RAB33A: variants seen among roughly 807,000 people sequenced by gnomAD.
RAB33A encodes the protein RAB33A, member RAS oncogene family.
A neutral mutation model predicts 12.0 loss-of-function variants in RAB33A; 6 were observed. That is an observed-to-expected ratio of 0.50 (90% confidence interval 0.27 to 0.99). The LOEUF (loss-of-function observed/expected upper bound fraction) is 0.99, where lower values mean the gene tolerates loss of function less well. Among genes scored for constraint, RAB33A ranks in the 50% least tolerant of loss-of-function variants. The pLI, the probability that RAB33A is intolerant of heterozygous loss-of-function variation, is 0.11. For synonymous variants in RAB33A, 70 were observed against 82.4 expected (o/e 0.85, Z 0.81); for missense variants, 109 against 192.0 (o/e 0.57, Z 2.55).
the RAB33A span, among the ~76,000 whole-genome samples, chrX:130,166,734 C>T: frequency 8.9e-6 from 1 of 111,777 alleles, no homozygotes; most frequent in Admixed American, 9.5e-5. Flanking sequence ...GGATGGTCCC[C>T]GACTTACCCC....
the RAB33A span, among the ~76,000 whole-genome samples, chrX:130,140,350 T>C: frequency 8.9e-6 from 1 of 112,233 alleles, no homozygotes; most frequent in East Asian, 2.8e-4. Context: ...GCAAGGATCA[T>C]CCAGAAGGGC....
At chrX:130,162,175 A>G in the RAB33A span, among the ~76,000 whole-genome samples, 1 of 112,153 alleles carries the variant, frequency 8.9e-6, no homozygotes, top group Non-Finnish European at 1.9e-5. Context: ...GTCCTCAGGT[A>G]GTGTTTAATT....
chrX:130,167,081 G>A (rs2031545313), upstream of RAB33A, among the ~76,000 whole-genome samples: 1 of 112,362 alleles, frequency 8.9e-6, no homozygotes, highest in South Asian at 3.6e-4. Context: ...CGTGTAAGAA[G>A]TTATTTGAGT....
At chrX:130,183,720 C>G (rs1308371618) in intron 1 of RAB33A, among the ~76,000 whole-genome samples, 1 of 111,312 alleles carries the variant, frequency 9.0e-6, no homozygotes, top group Non-Finnish European at 1.9e-5. Context: ...GAAAAGTTGA[C>G]CAATTTACAT....
At chrX:130,133,351 A>C in the RAB33A span, 1 of 1,211,592 alleles carries the variant, frequency 8.3e-7, no homozygotes, top group Non-Finnish European at 1.1e-6. Flanking sequence ...TAGCAGCTCC[A>C]GTCATATTTT....
At chrX:130,167,762 A>G (rs772198648), upstream of RAB33A, among the ~76,000 whole-genome samples, 4 of 111,265 alleles carry the variant, frequency 3.6e-5, no homozygotes, top group Non-Finnish European at 5.7e-5. Flanking sequence ...AAAAATAAAG[A>G]AGTAGTGATA....
At chrX:130,164,473 T>C in the RAB33A span, among the ~76,000 whole-genome samples, 1 of 112,754 alleles carries the variant, frequency 8.9e-6, no homozygotes, top group Admixed American at 9.4e-5. Context: ...CAGGTGTTTC[T>C]GTATTGTAAA....
At chrX:130,182,626 T>C (rs371247363) in intron 1 of RAB33A, among the ~76,000 whole-genome samples, 163 of 110,071 alleles carry the variant, frequency 1.5e-3, no homozygotes, top group African/African-American at 5.3e-3. Context: ...TGGTGGCACA[T>C]GCCTGTAATG....
At chrX:130,173,247 A>G (rs773896449) in intron 1 of RAB33A, among the ~76,000 whole-genome samples, 7 of 111,836 alleles carry the variant, frequency 6.3e-5, no homozygotes, top group Non-Finnish European at 1.1e-4. Context: ...GGGAGGGAGG[A>G]CATAACAAGG....
the RAB33A span, chrX:130,145,581 A>G: frequency 8.9e-7 from 1 of 1,125,184 alleles, no homozygotes; most frequent in African/African-American, 1.8e-5. Context: ...TGTATGGAGA[A>G]GAGAGGGAGA....
At chrX:130,120,595 T>C in the RAB33A span, among the ~76,000 whole-genome samples, 1 of 112,154 alleles carries the variant, frequency 8.9e-6, no homozygotes, top group Non-Finnish European at 1.9e-5. Context: ...CGGGGCTCTG[T>C]GGGGCCTGCG....
chrX:130,115,628 GC>G, the RAB33A span, among the ~76,000 whole-genome samples: 4 of 104,223 alleles, frequency 3.8e-5, no homozygotes, highest in South Asian at 4.4e-4. Context: ...GAAAGAGAGA[GC>G]AGAGAGAAAC....
the RAB33A span, among the ~76,000 whole-genome samples, chrX:130,130,940 G>A: frequency 3.6e-5 from 4 of 112,203 alleles, no homozygotes; most frequent in African/African-American, 6.5e-5. Flanking sequence ...TAAGGAATAT[G>A]GAATACATTA....
chrX:130,125,355 G>T, the RAB33A span, among the ~76,000 whole-genome samples: 1 of 111,694 alleles, frequency 9.0e-6, no homozygotes, highest in African/African-American at 3.3e-5. Context: ...GCCAGGCAGG[G>T]GAACGTCATC....
At chrX:130,159,884 A>C in the RAB33A span, among the ~76,000 whole-genome samples, 1 of 108,918 alleles carries the variant, frequency 9.2e-6, no homozygotes, top group South Asian at 4.0e-4. Flanking sequence ...GCAGTGGCAC[A>C]ATCTCGGCTC....
the RAB33A span, among the ~76,000 whole-genome samples, chrX:130,121,073 C>G: frequency 3.6e-5 from 4 of 112,054 alleles, no homozygotes; most frequent in Admixed American, 9.3e-5. Context: ...GCCAGCGCCC[C>G]GAGCTTCCAC....
At chrX:130,156,599 G>A in the RAB33A span, 1 of 1,210,837 alleles carries the variant, frequency 8.3e-7, no homozygotes, top group Non-Finnish European at 1.1e-6. Context: ...GCTGGAACAA[G>A]TTGCCTAAGA....
the RAB33A span, among the ~76,000 whole-genome samples, chrX:130,132,548 CTTTT>C: frequency 1.8e-5 from 2 of 111,690 alleles, no homozygotes; most frequent in East Asian, 5.6e-4. Context: ...CTCCACTTTT[CTTTT>C]TTTTAACTTT....
chrX:130,135,462 T>C, the RAB33A span, among the ~76,000 whole-genome samples: 1 of 100,603 alleles, frequency 9.9e-6, no homozygotes. Context: ...AAAAACAAGG[T>C]TTGGAGGGGG....
Sources: gnomAD v4.1 joint callset for allele counts (sites outside exome capture counted in the v4.1 genomes callset) on GRCh38, gnomAD v4.1.1 for gene constraint, MANE v1.5 for transcripts, NCBI Gene and HGNC (gene_info 2026-07-23, HGNC 2026-07-21) for gene names.